The following TMEM269 variants were observed in gnomAD, a reference collection of about 807,000 sequenced individuals.
TMEM269 encodes transmembrane protein 269.
In TMEM269, 12 loss-of-function variants were observed where a neutral mutation model predicts 15.8. The observed-to-expected ratio is 0.76, with a 90% confidence interval of 0.49 to 1.23. The LOEUF is 1.23. TMEM269 is among the 50% of genes most tolerant of loss of function. The pLI, the probability that TMEM269 is intolerant of heterozygous loss-of-function variation, is 0.00. For missense variants in TMEM269, 211 were observed against 245.4 expected, an observed-to-expected ratio of 0.86 and a Z score of 0.94; for synonymous variants, 93 against 99.3, an observed-to-expected ratio of 0.94 and a Z score of 0.38.
At chr1:42,794,046 T>G (rs1033567610) in intron 4 of TMEM269, among the ~76,000 whole-genome samples, 5 of 152,176 alleles carry the variant, frequency 3.3e-5, no homozygotes, top group Non-Finnish European at 5.9e-5. Context: ...GTATTCCAGT[T>G]CCTTAAAACA....
rs1362515188 is a variant in TMEM269 at position 42,794,407 on chromosome 1, T to G, written c.284-6T>G. The G allele has an allele frequency of 1.4e-5, 22 of 1,549,548 alleles. No individual in the cohort carries two copies. The highest frequency in any genetic ancestry group is 1.9e-5 in the Non-Finnish European group (22 of 1,146,178). On this transcript the variant is annotated splice_region_variant and splice_polypyrimidine_tract_variant and intron_variant, in intron 4 of 5. Coordinates refer to ENST00000637012, the MANE Select transcript of TMEM269 (RefSeq NM_001354602.2). ...AGCAGCTAATCTCCAGCGTTCTTCC[T>G]GGCAGGAGTCCCCTCCACATACAAG...
In TMEM269 at chr1:42,789,773, C is replaced by T. The variant is rs111904491; in HGVS notation, c.-98-23C>T. ...GGACTCCTTAACCTTGGGAACCCTT[C>T]GCCCCTCTCTCTTGGGCCCCAGGTA... is the stretch of plus-strand genomic sequence containing the variant. On this transcript the variant is annotated intron_variant, in intron 1 of 5. Coordinates refer to ENST00000637012, the MANE Select transcript of TMEM269 (RefSeq NM_001354602.2). 75 of 1,328,802 alleles carry T rather than the reference C, an allele frequency of 5.6e-5. 1 individual carries two copies. The highest frequency in any genetic ancestry group is 3.6e-4 in the Middle Eastern group (2 of 5,600). The allele number at this position is 1,328,802 out of a possible 1,614,324, so 82.3% of individuals were successfully genotyped here. A position where few individuals can be genotyped will look rare whatever the true frequency, so the allele number is the denominator to read the frequency against.
chr1:42,789,459 C>T, intron 1 of TMEM269: 1 of 1,535,560 alleles, frequency 6.5e-7, no homozygotes, highest in Non-Finnish European at 8.7e-7. Context: ...ATACCCCCTG[C>T]ATTCTGGGCC....
chr1:42,787,307 G>A (rs1394896564), intron 1 of TMEM269, among the ~76,000 whole-genome samples: 1 of 152,168 alleles, frequency 6.6e-6, no homozygotes, highest in Non-Finnish European at 1.5e-5. Context: ...GTAGGGACAA[G>A]AACCCTTGCC....
chr1:42,786,894 C>T (rs1049856822), intron 1 of TMEM269, among the ~76,000 whole-genome samples: 1 of 152,220 alleles, frequency 6.6e-6, no homozygotes, highest in Non-Finnish European at 1.5e-5. Context: ...GGGACCTGTG[C>T]ATTCTGCTGC....
At chr1:42,791,932 G>A (rs140898724) in intron 2 of TMEM269, among the ~76,000 whole-genome samples, 2 of 152,152 alleles carry the variant, frequency 1.3e-5, no homozygotes, top group African/African-American at 2.4e-5. Context: ...AACCTGGGAG[G>A]CGGAGGTTGC....
At position 42,799,900 on chromosome 1, in the gene TMEM269, T is replaced by C. The variant is rs1653860535; in HGVS notation, c.*1675T>C. On this transcript the variant is annotated 3_prime_UTR_variant, in exon 6 of 6. Coordinates refer to ENST00000637012, the MANE Select transcript of TMEM269 (RefSeq NM_001354602.2). ...ACCAAAAGCGAAAAACAGGTTTTAT[T>C]CTGAACTAAATTTTTTCCAAAAACC... The C allele has an allele frequency of 6.6e-6, 1 of 152,208 alleles. No individual in the cohort carries two copies. Among genetic ancestry groups the C allele is most frequent in the Non-Finnish European group, 1.5e-5 (1 of 68,032 alleles). The allele number at this position is 152,208 out of a possible 1,614,324, so 9.4% of individuals were successfully genotyped here.
chr1:42,788,770 C>T lies in TMEM269; in HGVS notation c.-98-1026C>T, dbSNP rs1298184287. On this transcript the variant is annotated intron_variant, in intron 1 of 5. Coordinates refer to ENST00000637012, the MANE Select transcript of TMEM269 (RefSeq NM_001354602.2). The surrounding 1 kb of genome is among the most constrained non-coding windows in gnomAD (Gnocchi z 4.0). ...GTTCTACTTACCATGTGACTTTGAG[C>T]AAGTATCTTCCTCTCTTTTAACTGT... is the stretch of plus-strand genomic sequence containing the variant. Among the ~76,000 whole-genome samples, 1 of 152,124 alleles carries T rather than the reference C, an allele frequency of 6.6e-6. No individual in the cohort carries two copies. Among genetic ancestry groups the T allele is most frequent in the African/African-American group, 2.4e-5 (1 of 41,422 alleles).
At chr1:42,793,772 C>A in intron 4 of TMEM269, 28 bp downstream of exon 4, 2 of 1,546,780 alleles carry the variant, frequency 1.3e-6, no homozygotes, top group Non-Finnish European at 1.7e-6. Flanking sequence ...TGCCTTAGAA[C>A]AGAGGGCAGG....
intron 2 of TMEM269, among the ~76,000 whole-genome samples, chr1:42,791,468 G>A (rs2760078): frequency 0.63 from 95,870 of 152,048 alleles, 30,503 homozygotes; most frequent in South Asian, 0.82. Flanking sequence ...TAAATGACAC[G>A]TGGATAAAAG....
intron 1 of TMEM269, 133 bp downstream of exon 1, chr1:42,785,215 G>A (rs1207954448): frequency 2.0e-5 from 3 of 152,256 alleles, no homozygotes; most frequent in Non-Finnish European, 2.9e-5. Flanking sequence ...CAGCCAGAGT[G>A]GGCCAGGGGA....
Position 42,789,456 on chromosome 1 carries a change from C to T in TMEM269, c.-98-340C>T, listed in dbSNP as rs116194971. The T allele has an allele frequency of 2.9e-3, 4,457 of 1,535,526 alleles. 120 individuals are homozygous for T. The African/African-American group carries it at 0.053, about 18-fold the overall frequency. On this transcript the variant is annotated intron_variant, in intron 1 of 5. Transcript: ENST00000637012. ...AGATGGGAGAAGGGCCCCATACCCC[C>T]TGCATTCTGGGCCATGGGGCTTCAG...
intron 2 of TMEM269, 94 bp downstream of exon 2, chr1:42,790,028 T>C (rs1411515361): frequency 1.1e-5 from 10 of 941,312 alleles, no homozygotes; most frequent in Non-Finnish European, 1.7e-5. Flanking sequence ...CACTGAGGCA[T>C]AGGAATCCAC....
In TMEM269 at chr1:42,787,076, T is replaced by C. The variant is rs575044044; in HGVS notation, c.-99+1994T>C. Among the ~76,000 whole-genome samples, 9 of 152,326 alleles carry C rather than the reference T, an allele frequency of 5.9e-5. No individual in the cohort carries two copies. The South Asian group carries it at 1.9e-3, about 32-fold the overall frequency. ...TATGCAAGAGACTCATTTCCTTGGA[T>C]AGGTTGTAAACTCTGTGATGGTAGG... On this transcript the variant is annotated intron_variant, in intron 1 of 5. Coordinates refer to ENST00000637012, the MANE Select transcript of TMEM269 (RefSeq NM_001354602.2).
chr1:42,793,851 C>T (rs1653746662), intron 4 of TMEM269, 107 bp downstream of exon 4: 4 of 1,294,378 alleles, frequency 3.1e-6, no homozygotes, highest in South Asian at 3.0e-5. Context: ...TTTTTTGGAG[C>T]TCCTCTTCCT....
rs781080951 is a variant in TMEM269, at chr1:42,798,483, C to T, written c.*258C>T. The T allele has an allele frequency of 1.2e-5, 5 of 425,564 alleles. No individual in the cohort carries two copies. The highest frequency in any genetic ancestry group is 1.7e-5 in the Non-Finnish European group (4 of 233,994). 26.4% of individuals were successfully genotyped at this position (425,564 alleles called of 1,614,324 possible). A position where few individuals can be genotyped will look rare whatever the true frequency, so the allele number is the denominator to read the frequency against. On this transcript the variant is annotated 3_prime_UTR_variant, in exon 6 of 6. Coordinates refer to ENST00000637012, the MANE Select transcript of TMEM269 (RefSeq NM_001354602.2). ...GCAGAATATCCCCCCGCCTCAAGCT[C>T]AATGTGGGCTGGGTTTGGGTTCCAG...
chr1:42,786,693 C>A (rs144603613), intron 1 of TMEM269, among the ~76,000 whole-genome samples: 4 of 152,180 alleles, frequency 2.6e-5, no homozygotes, highest in African/African-American at 9.7e-5. Flanking sequence ...ATTAGTAGCC[C>A]GGTCGCCTCT....
rs540411407 is a variant in TMEM269, at chr1:42,788,922, CTTTT to C, written c.-98-859_-98-856del. On this transcript the variant is annotated intron_variant, in intron 1 of 5. Transcript: ENST00000637012. This position sits in a 1 kb window ranked among gnomAD's most constrained non-coding sequence, Gnocchi z 4.0. The stretch of plus-strand genomic sequence containing the variant: ...TTTGTGAACTATTCAGTGTTGTACA[CTTTT>C]TTTTTTTTTTTTTTAGACAGAGTCT... Among the ~76,000 whole-genome samples the C allele has an allele frequency of 1.5e-5, 2 of 136,882 alleles. No homozygotes were observed. Among genetic ancestry groups the C allele is most frequent in the Admixed American group, 7.4e-5 (1 of 13,536 alleles). The allele number at this position is 136,882 out of a possible 152,430, so 89.8% of individuals were successfully genotyped here. A position where few individuals can be genotyped will look rare whatever the true frequency, so the allele number is the denominator to read the frequency against.
Position 42,792,886 on chromosome 1 carries a change from C to T in TMEM269, c.123C>T (p.Asn41=). The T allele has an allele frequency of 1.9e-6, 3 of 1,550,572 alleles. No homozygotes were observed. The highest frequency in any genetic ancestry group is 2.4e-5 in the East Asian group (1 of 40,920). ...MAVRAMTSHI[N]ICSKLGAELN... ...TCAGGGCAATGACCAGCCACATCAA[C>T]ATATGCTCCAAATTGGGTGAGTTCA... The change falls in exon 3 of 6, where the codon AAC becomes AAT. Residue 41 remains asparagine, a synonymous_variant. Coordinates refer to ENST00000637012, the MANE Select transcript of TMEM269 (RefSeq NM_001354602.2).
Sources: allele counts gnomAD v4.1 joint callset (sites outside exome capture counted in the v4.1 genomes callset), GRCh38; gene constraint gnomAD v4.1.1; non-coding constraint Gnocchi (gnomAD v3.1); transcripts MANE v1.5; gene names NCBI Gene and HGNC (gene_info 2026-07-23, HGNC 2026-07-21).